The following PID1 variants were observed in gnomAD, a reference collection of about 807,000 sequenced individuals.
PID1 encodes the protein phosphotyrosine interaction domain containing 1, also known as PTB-containing, cubilin and LRP1-interacting protein.
PID1 carries 10 observed loss-of-function variants against 19.1 expected under a neutral mutation model. The observed-to-expected ratio is 0.52, with a 90% CI of 0.32 to 0.89. The LOEUF is 0.89. Among genes scored for constraint, PID1 ranks in the 40% least tolerant of loss-of-function variants. The probability of loss-of-function intolerance (pLI) is 0.03; values close to 1 mark genes in which losing one functional copy is unlikely to be tolerated. For synonymous variants in PID1, 130 were observed against 116.0 expected, an observed-to-expected ratio of 1.12 and a Z score of -0.78; for missense variants, 248 against 285.3, an observed-to-expected ratio of 0.87 and a Z score of 0.94.
intron 2 of PID1, among the ~76,000 whole-genome samples, chr2:229,099,272 G>T (rs1278554432): frequency 6.6e-6 from 1 of 152,140 alleles, no homozygotes. Context: ...AGGGATTGAG[G>T]AAAGTAAAAA....
intron 2 of PID1, among the ~76,000 whole-genome samples, chr2:229,117,074 T>G (rs537607051): frequency 1.2e-4 from 18 of 152,324 alleles, no homozygotes; most frequent in African/African-American, 3.6e-4. Flanking sequence ...TATATGTGAA[T>G]AGCTCAGATA....
At chr2:229,243,287 C>T (rs1417159150) in intron 1 of PID1, among the ~76,000 whole-genome samples, 2 of 152,144 alleles carry the variant, frequency 1.3e-5, no homozygotes, top group African/African-American at 2.4e-5. Context: ...TAGGTTCCTC[C>T]TACCACACAT....
chr2:229,039,976 T>C (rs909610631), intron 2 of PID1, among the ~76,000 whole-genome samples: 3 of 152,168 alleles, frequency 2.0e-5, no homozygotes, highest in Non-Finnish European at 4.4e-5. Context: ...ATAAGATACA[T>C]AAAACAATCT....
chr2:229,222,022 A>G (rs1465744331), intron 1 of PID1, among the ~76,000 whole-genome samples: 1 of 152,156 alleles, frequency 6.6e-6, no homozygotes, highest in African/African-American at 2.4e-5. Context: ...AAGTCCTCCT[A>G]AGCACCCCTC....
chr2:229,199,476 C>T (rs1262132914), intron 1 of PID1, among the ~76,000 whole-genome samples: 1 of 151,800 alleles, frequency 6.6e-6, no homozygotes, highest in African/African-American at 2.4e-5. Flanking sequence ...AGTATCTGGC[C>T]CGTGGCCAAC....
chr2:229,159,103 G>A (rs1690442767), intron 1 of PID1, among the ~76,000 whole-genome samples: 2 of 152,178 alleles, frequency 1.3e-5, no homozygotes, highest in African/African-American at 4.8e-5. Flanking sequence ...TGGATGGTCT[G>A]TAACAAAGGA....
At chr2:229,134,784 A>G (rs562146331) in intron 2 of PID1, among the ~76,000 whole-genome samples, 1 of 152,264 alleles carries the variant, frequency 6.6e-6, no homozygotes, top group Admixed American at 6.5e-5. Flanking sequence ...TGATTTAATG[A>G]CTATATAGTA....
chr2:229,116,353 T>C (rs1695411323), intron 2 of PID1, among the ~76,000 whole-genome samples: 1 of 152,206 alleles, frequency 6.6e-6, no homozygotes, highest in South Asian at 2.1e-4. Context: ...AGCTTGAGGT[T>C]GGGTTACCCA....
chr2:229,192,357 C>A lies in PID1; in HGVS notation c.31-36393G>T, dbSNP rs73998587. Reference sequence around the variant, plus strand: ...CCTGACTGGGGACCAAAAGAAGAACCTTTTGACATTTCTGGTTGCTTCTAC... The same window carrying A: ...CCTGACTGGGGACCAAAAGAAGAACATTTTGACATTTCTGGTTGCTTCTAC... On this transcript the variant is annotated intron_variant, in intron 1 of 2. Transcript: ENST00000392055. 3.5e-3 allele frequency among the ~76,000 whole-genome samples: 530 copies of A among 152,236 alleles called. 3 individuals carry two copies. Among genetic ancestry groups the A allele is most frequent in the African/African-American group, 0.012 (513 of 41,536 alleles).
chr2:229,087,551 T>G (rs1045538514), intron 2 of PID1, among the ~76,000 whole-genome samples: 2 of 152,196 alleles, frequency 1.3e-5, no homozygotes, highest in African/African-American at 4.8e-5. Context: ...AGCCTTTATG[T>G]ACATTTACAA....
chr2:229,044,114 T>G (rs1693827445), intron 2 of PID1, among the ~76,000 whole-genome samples: 1 of 152,202 alleles, frequency 6.6e-6, no homozygotes, highest in South Asian at 2.1e-4. Context: ...CTCTTTATGA[T>G]GAATGTCCTT....
chr2:229,133,510 A>T (rs1320518132), intron 2 of PID1, among the ~76,000 whole-genome samples: 1 of 152,246 alleles, frequency 6.6e-6, no homozygotes, highest in Non-Finnish European at 1.5e-5. Flanking sequence ...CCTTTGAGAT[A>T]CACAACCCAG....
chr2:229,073,047 A>G (rs1470576630), intron 2 of PID1, among the ~76,000 whole-genome samples: 1 of 152,148 alleles, frequency 6.6e-6, no homozygotes, highest in East Asian at 1.9e-4. Context: ...TTTTTTTGAG[A>G]CGGAGTCTCG....
At chr2:229,160,800 T>G (rs1015243873) in intron 1 of PID1, among the ~76,000 whole-genome samples, 2 of 152,162 alleles carry the variant, frequency 1.3e-5, no homozygotes, top group Non-Finnish European at 2.9e-5. Context: ...AAGAGGGAAA[T>G]AAAATGTGGA....
intron 2 of PID1, among the ~76,000 whole-genome samples, chr2:229,089,071 C>T (rs1215429775): frequency 6.6e-6 from 1 of 152,092 alleles, no homozygotes; most frequent in Non-Finnish European, 1.5e-5. Context: ...CAGAGCCTTA[C>T]TTTTATACTC....
chr2:229,244,026 A>T (rs915860955), intron 1 of PID1, among the ~76,000 whole-genome samples: 1 of 152,188 alleles, frequency 6.6e-6, no homozygotes, highest in African/African-American at 2.4e-5. Context: ...CTTGGCAGAA[A>T]GCCCCACGTG....
chr2:229,176,903 C>T (rs1392676551), intron 1 of PID1, among the ~76,000 whole-genome samples: 2 of 152,140 alleles, frequency 1.3e-5, no homozygotes, highest in Non-Finnish European at 2.9e-5. Flanking sequence ...GTGAACTTAA[C>T]TTCCTGTATT....
chr2:229,127,074 G>A (rs1574650023), intron 2 of PID1, among the ~76,000 whole-genome samples: 1 of 152,268 alleles, frequency 6.6e-6, no homozygotes, highest in Non-Finnish European at 1.5e-5. Context: ...AATGGGCCTC[G>A]CTTGGACTAG....
intron 2 of PID1, among the ~76,000 whole-genome samples, chr2:229,130,182 ACT>A (rs1689701670): frequency 2.0e-5 from 3 of 152,070 alleles, no homozygotes; most frequent in South Asian, 4.2e-4. Flanking sequence ...ACTTTGACTA[ACT>A]CTCTGTGTCA....
Sources: allele counts gnomAD v4.1 joint callset (sites outside exome capture counted in the v4.1 genomes callset), GRCh38; gene constraint gnomAD v4.1.1; transcripts MANE v1.5; gene names NCBI Gene and HGNC (gene_info 2026-07-23, HGNC 2026-07-21).